Variants in PLCH2 observed in about 807,000 individuals in gnomAD.
PLCH2 encodes the protein 1-phosphatidylinositol 4,5-bisphosphate phosphodiesterase eta-2.
In PLCH2, 98 loss-of-function variants were observed where a neutral mutation model predicts 134.7. The ratio of observed to expected loss-of-function variants is 0.73; its 90% CI spans 0.62 to 0.86. The LOEUF (loss-of-function observed/expected upper bound fraction) is 0.86. Ranked by LOEUF, PLCH2 falls within the 40% of genes least tolerant of loss-of-function variation. PLCH2 has a pLI of 0.00. For missense variants in PLCH2, 1,994 were observed against 1,986.6 expected, an observed-to-expected ratio of 1.00 and a Z score of -0.07; for synonymous variants, 974 against 827.5, an observed-to-expected ratio of 1.18 and a Z score of -3.04.
chr1:2,478,853 G>C (rs1252831924), intron 2 of PLCH2, among the ~76,000 whole-genome samples: 1 of 152,138 alleles, frequency 6.6e-6, no homozygotes, highest in Non-Finnish European at 1.5e-5. Context: ...GGACCGAGTA[G>C]CACTGTGCCC....
chr1:2,489,339 C>T lies in PLCH2; in HGVS notation c.1368C>T (p.Leu456=). ...TGAGCAGTGAAGATGCCACCACACT[C>T]CCCTCTCCACAGATGCTCAAGGGCA... The part of the protein sequence containing the change: ...SSVSSEDATT[L]PSPQMLKGKI... Residue 456 remains leucine (L), a synonymous_variant, in exon 9 of 22, where the codon CTC becomes CTT. Coordinates refer to ENST00000378486, the MANE Select transcript of PLCH2 (RefSeq NM_014638.4). The T allele has an allele frequency of 8.7e-6, 14 of 1,613,856 alleles. No homozygotes were observed. The highest frequency in any genetic ancestry group is 1.1e-5 in the Non-Finnish European group (13 of 1,179,884).
At chr1:2,500,112 C>G in intron 20 of PLCH2, 1 of 243,642 alleles carries the variant, frequency 4.1e-6, no homozygotes, top group Non-Finnish European at 8.1e-6. Context: ...CCCCACCCCT[C>G]TACTTCCTGG....
At chr1:2,465,084 A>C (rs1357677988), upstream of PLCH2, among the ~76,000 whole-genome samples, 1 of 152,166 alleles carries the variant, frequency 6.6e-6, no homozygotes. Context: ...ACTGAGGCAC[A>C]GGGGAAGGGG....
intron 8 of PLCH2, 110 bp downstream of exon 8, chr1:2,487,828 G>C (rs1407325984): frequency 9.3e-7 from 1 of 1,071,266 alleles, no homozygotes; most frequent in Non-Finnish European, 1.4e-6. Context: ...AGCAGTGACT[G>C]TGGTGACCAG....
chr1:2,494,044 C>T (rs537210872), intron 11 of PLCH2, among the ~76,000 whole-genome samples: 60 of 152,280 alleles, frequency 3.9e-4, no homozygotes, highest in African/African-American at 1.3e-3. Context: ...TAACAGGGAC[C>T]GCTGCTGCAG....
chr1:2,424,783 C>A (rs570853269), upstream of PLCH2, among the ~76,000 whole-genome samples: 2 of 152,078 alleles, frequency 1.3e-5, no homozygotes, highest in Admixed American at 1.3e-4. Flanking sequence ...GTCAGGAGAT[C>A]GAGACCATCC....
chr1:2,429,971 T>C (rs1167164695), intron 1 of PLCH2, among the ~76,000 whole-genome samples: 2 of 152,178 alleles, frequency 1.3e-5, no homozygotes, highest in Admixed American at 1.3e-4. Context: ...GTTTTGCCTT[T>C]AAATTTCATC....
intron 2 of PLCH2, among the ~76,000 whole-genome samples, chr1:2,433,431 C>A (rs1639165575): frequency 6.6e-6 from 1 of 152,122 alleles, no homozygotes; most frequent in South Asian, 2.1e-4. Flanking sequence ...CTGGAGTACT[C>A]CAGCGGGAGG....
Position 2,452,595 on chromosome 1 carries a change from C to A in PLCH2, c.115+21966C>A, listed in dbSNP as rs532716279. 2.0e-5 allele frequency among the ~76,000 whole-genome samples: 3 copies of A among 152,344 alleles called. No homozygotes were observed. The South Asian group carries it at 6.2e-4, about 32-fold the overall frequency. ...GCAGGCATTCGGGGAGCAAATGCAC[C>A]GTTCACTCCACCCCAAGCTGCCCCA... On this transcript the variant is annotated intron_variant, in intron 2 of 3. Coordinates refer to the PLCH2 transcript ENST00000609981.
chr1:2,496,845 G>T lies in PLCH2; in HGVS notation c.1951G>T (p.Val651Leu). Residue 651 changes from valine (V) to leucine (L), a missense_variant, in exon 15 of 22, where the codon GTG becomes TTG. Val to Leu is a conservative substitution (Grantham distance 32). Transcript: ENST00000378486. The part of the protein sequence containing the change: ...IEMEAASSWQ[V>L]SSFSETKAHQ... ...CGCCACAGCGGCGTCCAGCTGGCAG[G>T]TGTCGTCCTTCAGCGAGACCAAGGC... The T allele has an allele frequency of 6.2e-7, 1 of 1,612,336 alleles. No individual in the cohort carries two copies. Among genetic ancestry groups the T allele is most frequent in the Non-Finnish European group, 8.5e-7 (1 of 1,179,396 alleles).
Position 2,479,725 on chromosome 1 carries a change from A to C in PLCH2, c.272-9A>C. 6.5e-7 allele frequency: 1 copy of C among 1,531,612 alleles called. No homozygotes were observed. The highest frequency in any genetic ancestry group is 2.5e-5 in the East Asian group (1 of 40,402). The allele number at this position is 1,531,612 out of a possible 1,614,324, so 94.9% of individuals were successfully genotyped here. A position where few individuals can be genotyped will look rare whatever the true frequency, so the allele number is the denominator to read the frequency against. On this transcript the variant is annotated splice_polypyrimidine_tract_variant and intron_variant, in intron 2 of 21. Coordinates refer to ENST00000378486, the MANE Select transcript of PLCH2 (RefSeq NM_014638.4). ...GGGACCTGACCCGTGCTCCCTCCCC[A>C]CCCCGCAGTCTCCATCGACTCCATC...
intron 4 of PLCH2, among the ~76,000 whole-genome samples, chr1:2,482,055 A>C (rs1641999273): frequency 6.6e-6 from 1 of 152,262 alleles, no homozygotes; most frequent in Non-Finnish European, 1.5e-5. Flanking sequence ...TAATTGCCAG[A>C]GTGCGCTGGG....
intron 2 of PLCH2, among the ~76,000 whole-genome samples, chr1:2,432,557 G>C (rs996178613): frequency 5.3e-5 from 8 of 152,212 alleles, no homozygotes; most frequent in African/African-American, 1.9e-4. Context: ...TGCTGGGCAC[G>C]TGGCCGGGCC....
upstream of PLCH2, among the ~76,000 whole-genome samples, chr1:2,466,132 A>G (rs1203582451): frequency 1.3e-5 from 2 of 151,998 alleles, no homozygotes; most frequent in African/African-American, 4.8e-5. Context: ...GACAGCCCCC[A>G]TTGTGGCCTG....
intron 2 of PLCH2, among the ~76,000 whole-genome samples, chr1:2,454,064 C>G (rs1640370244): frequency 1.3e-5 from 2 of 152,190 alleles, no homozygotes; most frequent in African/African-American, 4.8e-5. Flanking sequence ...CACCCCGAGT[C>G]TGTCACCCAC....
upstream of PLCH2, among the ~76,000 whole-genome samples, chr1:2,474,772 C>A (rs1427719492): frequency 6.6e-6 from 1 of 152,148 alleles, no homozygotes; most frequent in Non-Finnish European, 1.5e-5. Flanking sequence ...GAGAACTGGA[C>A]CCCCTGGGTC....
At chr1:2,494,418 C>T in intron 11 of PLCH2, 1 of 245,506 alleles carries the variant, frequency 4.1e-6, no homozygotes, top group Non-Finnish European at 8.1e-6. Context: ...TACCCGCGCA[C>T]TGCGGGAACA....
chr1:2,486,888 T>C lies in PLCH2; in HGVS notation c.817-19T>C, dbSNP rs1300421895. 1.3e-6 allele frequency: 2 copies of C among 1,585,226 alleles called. No individual in the cohort carries two copies. Among genetic ancestry groups the C allele is most frequent in the Non-Finnish European group, 1.7e-6 (2 of 1,165,428 alleles). On this transcript the variant is annotated intron_variant, in intron 5 of 21. Transcript: ENST00000378486. ...GCCAGGGATGGGCTGCCTGGACTCA[T>C]GCCCCTGCTCTGGCCTAGATGGCGG...
In PLCH2 at chr1:2,503,084, T is replaced by C. The variant is rs61751930; in HGVS notation, c.2959+675T>C. The C allele has an allele frequency of 1.9e-3, 1,363 of 700,346 alleles. 6 individuals are homozygous for C. Among genetic ancestry groups the C allele is most frequent in the African/African-American group, 0.018 (1,053 of 57,306 alleles). The allele number at this position is 700,346 out of a possible 1,614,324, so 43.4% of individuals were successfully genotyped here. A position where few individuals can be genotyped will look rare whatever the true frequency, so the allele number is the denominator to read the frequency against. On this transcript the variant is annotated intron_variant, in intron 21 of 21. Transcript: ENST00000378486. ...GCTCCCTTGGCTTGCCTGTGGCCCA[T>C]AGCCCCAGCCCTCCTGTCTGAGCTT... is the stretch of plus-strand genomic sequence containing the variant.
Sources: allele counts gnomAD v4.1 joint callset (sites outside exome capture counted in the v4.1 genomes callset), GRCh38; gene constraint gnomAD v4.1.1; transcripts MANE v1.5; gene names NCBI Gene and HGNC (gene_info 2026-07-23, HGNC 2026-07-21).